The following EBF2 variants were observed in gnomAD, a reference collection of about 807,000 sequenced individuals.
The protein encoded by EBF2 is transcription factor COE2.
EBF2 carries 21 observed loss-of-function variants against 72.8 expected under a neutral mutation model. The observed-to-expected ratio is 0.29, with a 90% confidence interval of 0.20 to 0.42. EBF2 has a LOEUF of 0.42. Among genes scored for constraint, EBF2 ranks in the 10% least tolerant of loss-of-function variants. EBF2 has a pLI of 1.00. For missense variants in EBF2, 637 were observed against 731.2 expected (o/e 0.87, Z 1.49); for synonymous variants, 299 against 274.2 (o/e 1.09, Z -0.89).
At chr8:25,901,495 T>A (rs1802953975) in intron 7 of EBF2, among the ~76,000 whole-genome samples, 1 of 151,660 alleles carries the variant, frequency 6.6e-6, no homozygotes. Context: ...AGAATGCTAC[T>A]ACATCTGAAA....
intron 6 of EBF2, among the ~76,000 whole-genome samples, chr8:25,966,329 G>A (rs774050656): frequency 1.3e-5 from 2 of 152,192 alleles, no homozygotes; most frequent in Non-Finnish European, 2.9e-5. Flanking sequence ...GAGGGGTGCA[G>A]TTGCAATGTA....
chr8:26,035,364 G>A (rs947822600), intron 5 of EBF2, among the ~76,000 whole-genome samples: 1 of 152,068 alleles, frequency 6.6e-6, no homozygotes, highest in Non-Finnish European at 1.5e-5. Context: ...TGCCCAGGCT[G>A]ATCTCGAACT....
At chr8:25,921,054 C>T (rs1411413302) in intron 6 of EBF2, among the ~76,000 whole-genome samples, 1 of 145,648 alleles carries the variant, frequency 6.9e-6, no homozygotes, top group East Asian at 2.1e-4. Context: ...TCCACATTTA[C>T]AGTACATATA....
At chr8:26,017,030 A>G (rs1262543704) in intron 6 of EBF2, among the ~76,000 whole-genome samples, 1 of 152,146 alleles carries the variant, frequency 6.6e-6, no homozygotes, top group African/African-American at 2.4e-5. Flanking sequence ...GCTGAAGAGA[A>G]GGATTTCTCC....
At position 26,044,588 on chromosome 8, in the gene EBF2, CGA is replaced by C. The variant is rs1377478800; in HGVS notation, c.131+139_131+140del. 1 of 1,281,628 alleles carries C rather than the reference CGA, an allele frequency of 7.8e-7. No individual in the cohort carries two copies. Among genetic ancestry groups the C allele is most frequent in the Non-Finnish European group, 1.1e-6 (1 of 934,410 alleles). 79.4% of individuals were successfully genotyped at this position (1,281,628 alleles called of 1,614,324 possible). ...CTGCAGCGATCTGCTTGCCCGAGGG[CGA>C]GCCCCAGCGCGCAGGGCCTGGGCGA... is the stretch of plus-strand genomic sequence containing the variant. On this transcript the variant is annotated intron_variant, in intron 1 of 15. Transcript: ENST00000520164. The surrounding 1 kb of genome is among the most constrained non-coding windows in gnomAD (Gnocchi z 4.1).
intron 7 of EBF2, among the ~76,000 whole-genome samples, chr8:25,891,384 A>G (rs993858735): frequency 1.3e-5 from 2 of 152,142 alleles, no homozygotes; most frequent in Admixed American, 1.3e-4. Flanking sequence ...TATTGAGAAA[A>G]AAAAAGAACT....
intron 6 of EBF2, among the ~76,000 whole-genome samples, chr8:25,981,314 C>T (rs1369344734): frequency 6.6e-6 from 1 of 152,122 alleles, no homozygotes; most frequent in Admixed American, 6.5e-5. Flanking sequence ...CCTCACCTAG[C>T]ACTGTATCAA....
At chr8:26,025,359 T>C (rs1332899461) in intron 6 of EBF2, among the ~76,000 whole-genome samples, 1 of 152,188 alleles carries the variant, frequency 6.6e-6, no homozygotes, top group Non-Finnish European at 1.5e-5. Flanking sequence ...TTGTATTCGC[T>C]GCTGATCTCT....
chr8:25,851,220 G>A (rs550597051), intron 14 of EBF2, among the ~76,000 whole-genome samples: 70 of 148,414 alleles, frequency 4.7e-4, no homozygotes, highest in Admixed American at 8.5e-4. Context: ...TAACTCCTAA[G>A]GCTCCAGGGG....
At chr8:25,851,159 C>T (rs1305553755) in intron 14 of EBF2, among the ~76,000 whole-genome samples, 1 of 151,758 alleles carries the variant, frequency 6.6e-6, no homozygotes, top group Non-Finnish European at 1.5e-5. Flanking sequence ...ATGGAAATCG[C>T]TTTCACACCC....
At chr8:25,873,170 G>A (rs1379872356) in intron 10 of EBF2, among the ~76,000 whole-genome samples, 1 of 152,136 alleles carries the variant, frequency 6.6e-6, no homozygotes, top group African/African-American at 2.4e-5. Context: ...TGGTGTGATG[G>A]GATAAAGCTG....
intron 6 of EBF2, among the ~76,000 whole-genome samples, chr8:26,027,959 G>C (rs1009321513): frequency 6.6e-6 from 1 of 152,134 alleles, no homozygotes; most frequent in Non-Finnish European, 1.5e-5. Flanking sequence ...TGCTTGCGGG[G>C]GTAGGAGACG....
intron 6 of EBF2, among the ~76,000 whole-genome samples, chr8:25,977,578 A>G (rs972796517): frequency 6.6e-6 from 1 of 152,204 alleles, no homozygotes; most frequent in African/African-American, 2.4e-5. Flanking sequence ...AAGAAGAGAA[A>G]GAAAGGAAGT....
chr8:25,904,070 T>A (rs1243069309), intron 7 of EBF2, among the ~76,000 whole-genome samples: 1 of 152,122 alleles, frequency 6.6e-6, no homozygotes, highest in Non-Finnish European at 1.5e-5. Flanking sequence ...GAAGGATGCC[T>A]ATTGGGCTTT....
chr8:25,907,856 T>C (rs563085165), intron 7 of EBF2, among the ~76,000 whole-genome samples: 1 of 152,226 alleles, frequency 6.6e-6, no homozygotes, highest in Non-Finnish European at 1.5e-5. Flanking sequence ...GAGGAGCTGC[T>C]CTTGCTTTCG....
At chr8:26,026,754 C>T (rs1001216358) in intron 6 of EBF2, among the ~76,000 whole-genome samples, 1 of 152,162 alleles carries the variant, frequency 6.6e-6, no homozygotes, top group Non-Finnish European at 1.5e-5. Context: ...ATCTTCACAG[C>T]TCTTAACTCT....
intron 6 of EBF2, among the ~76,000 whole-genome samples, chr8:26,006,229 C>T (rs1427776546): frequency 6.6e-6 from 1 of 152,130 alleles, no homozygotes; most frequent in Admixed American, 6.5e-5. Flanking sequence ...ATCACACCAC[C>T]CTCACCATTG....
intron 6 of EBF2, among the ~76,000 whole-genome samples, chr8:26,012,452 T>A (rs1422670138): frequency 6.6e-6 from 1 of 152,212 alleles, no homozygotes; most frequent in Non-Finnish European, 1.5e-5. Flanking sequence ...TTTCAGTAAT[T>A]CCTGATACAT....
intron 15 of EBF2, among the ~76,000 whole-genome samples, chr8:25,849,314 G>C (rs1026195564): frequency 2.6e-5 from 4 of 152,176 alleles, no homozygotes; most frequent in African/African-American, 9.7e-5. Context: ...GGATGGCTCA[G>C]GAACCTAACG....
Sources: allele counts gnomAD v4.1 joint callset (sites outside exome capture counted in the v4.1 genomes callset), GRCh38; gene constraint gnomAD v4.1.1; non-coding constraint Gnocchi (gnomAD v3.1); transcripts MANE v1.5; gene names NCBI Gene and HGNC (gene_info 2026-07-23, HGNC 2026-07-21).